OR2T2: variants seen among roughly 807,000 people sequenced by gnomAD.
OR2T2 encodes olfactory receptor 2T2.
For synonymous variants in OR2T2, 50 were observed against 162.7 expected (o/e 0.31, Z 5.27); for missense variants, 138 against 409.1 (o/e 0.34, Z 5.72).
rs372455684 is a variant in OR2T2, at chr1:248,453,172, G to A, written c.375G>A (p.Val125=). 28 of 1,611,832 alleles carry A rather than the reference G, an allele frequency of 1.7e-5. No individual in the cohort carries two copies. In the African/African-American group the frequency reaches 3.8e-4, roughly 22 times the overall value. ...GTCTCATGGCCTATGACCGCTATGT[G>A]GCTGTGTGCAACCCTCTACGGTACC... Residue 125 remains valine, a synonymous_variant, in exon 3 of 3, where the codon GTG becomes GTA. Coordinates refer to ENST00000642130, the Ensembl canonical transcript of OR2T2.
chr1:248,445,762 GT>G (rs1356403236), intron 1 of OR2T2, 93 bp downstream of exon 1: 1 of 151,992 alleles, frequency 6.6e-6, no homozygotes, highest in Non-Finnish European at 1.5e-5. Flanking sequence ...AGAAGGCCAC[GT>G]TACTACTGTG....
At chr1:248,445,801 G>A (rs1662626835) in intron 1 of OR2T2, 132 bp downstream of exon 1, 1 of 151,566 alleles carries the variant, frequency 6.6e-6, no homozygotes, top group African/African-American at 2.5e-5. Context: ...CTGAGGCAGT[G>A]GTCTTCTCAA....
chr1:248,447,073 G>A (rs577997178), intron 2 of OR2T2, among the ~76,000 whole-genome samples: 113 of 152,020 alleles, frequency 7.4e-4, no homozygotes, highest in African/African-American at 2.6e-3. Flanking sequence ...ATAAAGGGGG[G>A]TGGTAACTAA....
At chr1:248,450,312 CAT>C (rs1188612002) in intron 2 of OR2T2, among the ~76,000 whole-genome samples, 5 of 144,606 alleles carry the variant, frequency 3.5e-5, no homozygotes, top group South Asian at 2.2e-4. Context: ...ACTACACACA[CAT>C]GTACACACAA....
chr1:248,453,502 GC>G lies in OR2T2; in HGVS notation c.706del (p.Arg236AlafsTer14). On this transcript the variant is annotated frameshift_variant, in exon 3 of 3. Coordinates refer to ENST00000642130, the Ensembl canonical transcript of OR2T2. LOFTEE classifies it low-confidence loss of function (END_TRUNC). The stretch of plus-strand genomic sequence containing the variant: ...ACAGGATGAACTCTGCTGAGGGCCG[GC>G]GCAAAGCCTTTGCTACGTGTTCCTC... 2 of 1,587,572 alleles carry G rather than the reference GC, an allele frequency of 1.3e-6. No homozygotes were observed. The highest frequency in any genetic ancestry group is 1.7e-6 in the Non-Finnish European group (2 of 1,165,280).
chr1:248,449,918 G>C (rs1662753979), intron 2 of OR2T2, among the ~76,000 whole-genome samples: 1 of 136,606 alleles, frequency 7.3e-6, no homozygotes, highest in Non-Finnish European at 1.5e-5. Flanking sequence ...AAGATGACCT[G>C]ATGGGGAATG....
chr1:248,449,563 T>A (rs1354594539), intron 2 of OR2T2, among the ~76,000 whole-genome samples, 171 bp downstream of exon 3: 2 of 145,994 alleles, frequency 1.4e-5, no homozygotes, highest in Non-Finnish European at 1.5e-5. Flanking sequence ...AGCTCACTCA[T>A]CCCTCATCCA....
intron 2 of OR2T2, among the ~76,000 whole-genome samples, chr1:248,447,755 GTTT>G: frequency 6.6e-6 from 1 of 152,304 alleles, no homozygotes; most frequent in South Asian, 2.1e-4. Flanking sequence ...CTCTTTAAAA[GTTT>G]CATGCTTTAA....
exon 3 of OR2T2, chr1:248,455,077 C>T (rs1269837404): frequency 2.0e-5 from 3 of 151,648 alleles, no homozygotes; most frequent in Non-Finnish European, 4.4e-5. Flanking sequence ...GGAATACTAA[C>T]TAAGCAAAGA....
At chr1:248,449,828 C>CT (rs777942474) in intron 2 of OR2T2, among the ~76,000 whole-genome samples, 6,828 of 114,572 alleles carry the variant, frequency 0.06, 1,045 homozygotes, top group African/African-American at 0.27. Flanking sequence ...TTTTCTTTTT[C>CT]TTTTTTTTTT....
chr1:248,447,740 A>G (rs116615070), intron 2 of OR2T2, among the ~76,000 whole-genome samples: 1 of 151,712 alleles, frequency 6.6e-6, no homozygotes, highest in African/African-American at 2.4e-5. Context: ...GTGATCACTT[A>G]GATGCTCTTT....
intron 2 of OR2T2, among the ~76,000 whole-genome samples, chr1:248,447,629 G>A (rs1475386537): frequency 3.3e-5 from 5 of 151,252 alleles, no homozygotes; most frequent in African/African-American, 9.8e-5. Flanking sequence ...CTTCAGTCTC[G>A]AGTTTCGGAA....
intron 2 of OR2T2, among the ~76,000 whole-genome samples, chr1:248,447,383 A>C (rs993191513): frequency 4.1e-5 from 6 of 145,436 alleles, no homozygotes; most frequent in Non-Finnish European, 8.9e-5. Flanking sequence ...TTATTTCAGC[A>C]TGTAACTTTC....
At chr1:248,450,706 G>C (rs78728624) in intron 2 of OR2T2, among the ~76,000 whole-genome samples, 8,448 of 149,082 alleles carry the variant, frequency 0.057, no homozygotes, top group East Asian at 0.15. Flanking sequence ...TAACACTATA[G>C]TAATTAATGT....
At chr1:248,450,242 C>T (rs1335219058) in intron 2 of OR2T2, among the ~76,000 whole-genome samples, 2 of 147,202 alleles carry the variant, frequency 1.4e-5, no homozygotes, top group Middle Eastern at 3.2e-3. Context: ...ACACATATCC[C>T]CACCCACTCA....
chr1:248,448,097 G>C (rs543630718), intron 2 of OR2T2, among the ~76,000 whole-genome samples: 1 of 152,222 alleles, frequency 6.6e-6, no homozygotes, highest in African/African-American at 2.4e-5. Context: ...TTTTCTTAAT[G>C]GCTCCAAAGA....
chr1:248,455,143 A>C (rs528188513), exon 3 of OR2T2: 1 of 150,432 alleles, frequency 6.6e-6, no homozygotes, highest in East Asian at 1.9e-4. Flanking sequence ...TAAGGTCCTG[A>C]AATATGAGAC....
intron 2 of OR2T2, among the ~76,000 whole-genome samples, chr1:248,450,949 TTAA>T (rs1291337182): frequency 2.8e-4 from 28 of 99,946 alleles, no homozygotes; most frequent in Non-Finnish European, 4.5e-4. Flanking sequence ...TTGACAGGAG[TTAA>T]TATTTGATGC....
At position 248,453,438 on chromosome 1, in the gene OR2T2, T is replaced by C; in HGVS notation, c.641T>C (p.Val214Ala). ...CTGATGCTGCTTATCCCTCTATCTG[T>C]CATCTCTGTCTCCTACACGCACATC... The change falls in exon 3 of 3, where the codon GTC becomes GCC. Residue 214 changes from valine to alanine, a missense_variant. Coordinates refer to ENST00000642130, the Ensembl canonical transcript of OR2T2. The C allele has an allele frequency of 1.3e-6, 2 of 1,589,220 alleles. No individual in the cohort carries two copies. The highest frequency in any genetic ancestry group is 8.6e-7 in the Non-Finnish European group (1 of 1,166,284).
Sources: gnomAD v4.1 joint callset for allele counts (sites outside exome capture counted in the v4.1 genomes callset) on GRCh38, gnomAD v4.1.1 for gene constraint, MANE v1.5 for transcripts, NCBI Gene and HGNC (gene_info 2026-07-23, HGNC 2026-07-21) for gene names.